The following RSPH14 variants were observed in gnomAD, a reference collection of about 807,000 sequenced individuals.
RSPH14 encodes radial spoke head 14 homolog, also known as rhabdoid tumor deletion region gene 1.
A neutral mutation model predicts 26.7 loss-of-function variants in RSPH14; 20 were observed. The observed-to-expected ratio is 0.75, with a 90% confidence interval of 0.53 to 1.09. RSPH14 has a LOEUF of 1.09. RSPH14 is among the 50% of genes least tolerant of loss of function. The probability of loss-of-function intolerance (pLI) is 0.00; values close to 1 mark genes in which losing one functional copy is unlikely to be tolerated. For synonymous variants in RSPH14, 177 were observed against 189.3 expected (o/e 0.93, Z 0.53); for missense variants, 449 against 457.2 (o/e 0.98, Z 0.16).
Position 23,140,429 on chromosome 22 carries a change from A to G in RSPH14, c.-9T>C. The G allele has an allele frequency of 6.2e-7, 1 of 1,613,820 alleles. No homozygotes were observed. Among genetic ancestry groups the G allele is most frequent in the Non-Finnish European group, 8.5e-7 (1 of 1,179,872 alleles). ...TTCTGGGAATGGGCCATCTTTCCCC[A>G]ACTACAGAGGCCTTTCCAAATGAAG... On this transcript the variant is annotated 5_prime_UTR_variant, in exon 2 of 7. Transcript: ENST00000216036.
chr22:23,104,520 G>C (rs776403835), intron 4 of RSPH14, among the ~76,000 whole-genome samples: 2 of 152,198 alleles, frequency 1.3e-5, no homozygotes, highest in Non-Finnish European at 2.9e-5. Flanking sequence ...TTTCCTGAGC[G>C]CATTAGCTCT....
chr22:23,107,619 G>A (rs561363209), intron 4 of RSPH14, among the ~76,000 whole-genome samples: 2 of 152,218 alleles, frequency 1.3e-5, no homozygotes, highest in East Asian at 3.9e-4. Context: ...AAGCTGGGGC[G>A]GGAGCAGGGG....
At chr22:23,146,453 C>T, upstream of RSPH14, 1 of 1,312,466 alleles carries the variant, frequency 7.6e-7, no homozygotes, top group Admixed American at 3.3e-5. Flanking sequence ...CCCAAGTGAT[C>T]CTCCCACCTT....
upstream of RSPH14, chr22:23,145,885 G>C (rs750184773): frequency 1.3e-6 from 1 of 753,538 alleles, no homozygotes; most frequent in African/African-American, 1.9e-5. Context: ...GTGAAGTGAG[G>C]GTTTTCAGGG....
intron 4 of RSPH14, among the ~76,000 whole-genome samples, chr22:23,082,124 CAAAAAAAAAACAA>C (rs1383138835): frequency 4.4e-4 from 29 of 65,266 alleles, no homozygotes; most frequent in African/African-American, 1.8e-3. Context: ...GACTCCGCCT[CAAAAAAAAAACAA>C]AAAAAAAAAA....
intron 4 of RSPH14, among the ~76,000 whole-genome samples, chr22:23,082,378 T>A (rs953638184): frequency 9.8e-5 from 6 of 61,500 alleles, no homozygotes; most frequent in African/African-American, 3.2e-4. Flanking sequence ...CACCTGGCTA[T>A]TTTTTTTTTT....
chr22:23,142,068 T>C (rs2070615767), upstream of RSPH14: 1 of 983,344 alleles, frequency 1.0e-6, no homozygotes, highest in Non-Finnish European at 1.2e-6. Flanking sequence ...GTCGACATAA[T>C]CAGCACCCAC....
intron 4 of RSPH14, among the ~76,000 whole-genome samples, chr22:23,098,670 G>A (rs1159907687): frequency 8.5e-5 from 13 of 152,386 alleles, no homozygotes; most frequent in Non-Finnish European, 1.6e-4. Flanking sequence ...CCCAAGCGAG[G>A]CTGGAAATTC....
intron 4 of RSPH14, among the ~76,000 whole-genome samples, chr22:23,128,307 C>T (rs1451424401): frequency 6.6e-6 from 1 of 152,238 alleles, no homozygotes; most frequent in Non-Finnish European, 1.5e-5. Context: ...CCGATAGGGA[C>T]ACTCTGGCCT....
intron 4 of RSPH14, among the ~76,000 whole-genome samples, chr22:23,084,863 G>A (rs779481190): frequency 6.6e-6 from 1 of 152,210 alleles, no homozygotes; most frequent in Non-Finnish European, 1.5e-5. Flanking sequence ...CTTGCCAGAG[G>A]ACGCACTGTC....
chr22:23,144,689 T>TAAA (rs56369606), upstream of RSPH14, among the ~76,000 whole-genome samples: 1 of 136,870 alleles, frequency 7.3e-6, no homozygotes, highest in African/African-American at 2.7e-5. Context: ...TCCATCTCTT[T>TAAA]AAAAAAAAAA....
chr22:23,115,984 C>T (rs2069820647), intron 4 of RSPH14, among the ~76,000 whole-genome samples: 1 of 152,240 alleles, frequency 6.6e-6, no homozygotes, highest in South Asian at 2.1e-4. Flanking sequence ...AGGCCAAGCA[C>T]ACCAGGAAGG....
chr22:23,165,141 C>G, the RSPH14 span, among the ~76,000 whole-genome samples: 282 of 152,336 alleles, frequency 1.9e-3, 3 homozygotes, highest in African/African-American at 6.6e-3. Flanking sequence ...ATCACCTCTA[C>G]TGTCTCCCCT....
In RSPH14 at chr22:23,086,438, G is replaced by A. The variant is rs565839110; in HGVS notation, c.422-22305C>T. On this transcript the variant is annotated intron_variant, in intron 4 of 6. Coordinates refer to ENST00000216036, the MANE Select transcript of RSPH14 (RefSeq NM_014433.3). The stretch of plus-strand genomic sequence containing the variant: ...TGGCAGCAGACGGGGTGGCACGGAG[G>A]TGCAGCTGTCCCCTGCGTGTCTCCA... 2.6e-5 allele frequency among the ~76,000 whole-genome samples: 4 copies of A among 152,352 alleles called. No individual in the cohort carries two copies. In the East Asian group the frequency reaches 5.8e-4, roughly 22 times the overall value.
At chr22:23,065,928 TC>T (rs2068200627) in intron 4 of RSPH14, among the ~76,000 whole-genome samples, 1 of 152,080 alleles carries the variant, frequency 6.6e-6, no homozygotes, top group Admixed American at 6.6e-5. Context: ...CGAGGCCTGA[TC>T]CTCTCTCTCT....
At chr22:23,144,007 T>C (rs2070655243), upstream of RSPH14, among the ~76,000 whole-genome samples, 1 of 143,636 alleles carries the variant, frequency 7.0e-6, no homozygotes, top group Non-Finnish European at 1.5e-5. Flanking sequence ...GGCAGGAGAA[T>C]CGCTTGAGCC....
At chr22:23,168,626 GA>G in the RSPH14 span, among the ~76,000 whole-genome samples, 1 of 152,196 alleles carries the variant, frequency 6.6e-6, no homozygotes. Flanking sequence ...GCCTTCCCCT[GA>G]AGGAAACTGA....
chr22:23,129,524 T>C (rs2070256850), intron 4 of RSPH14, among the ~76,000 whole-genome samples: 1 of 150,146 alleles, frequency 6.7e-6, no homozygotes, highest in South Asian at 2.1e-4. Context: ...TATGGCAGAA[T>C]ATCTTCATGA....
chr22:23,118,983 G>C (rs546220524), intron 4 of RSPH14, among the ~76,000 whole-genome samples: 1 of 152,214 alleles, frequency 6.6e-6, no homozygotes, highest in Non-Finnish European at 1.5e-5. Context: ...TTTGCAGGGT[G>C]AGCAGAGCAT....
Sources: allele counts gnomAD v4.1 joint callset (sites outside exome capture counted in the v4.1 genomes callset), GRCh38; gene constraint gnomAD v4.1.1; transcripts MANE v1.5; gene names NCBI Gene and HGNC (gene_info 2026-07-23, HGNC 2026-07-21).